GOLGA8Q: variants seen among roughly 807,000 people sequenced by gnomAD.
The protein encoded by GOLGA8Q is golgin subfamily A member 8Q.
A neutral mutation model predicts 48.7 loss-of-function variants in GOLGA8Q; 3 were observed. The ratio of observed to expected loss-of-function variants is 0.06; its 90% confidence interval spans 0.03 to 0.16. The LOEUF is 0.16. GOLGA8Q is among the 10% of genes least tolerant of loss of function. GOLGA8Q has a pLI of 1.00. For synonymous variants in GOLGA8Q, 22 were observed against 138.2 expected (o/e 0.16, Z 5.90); for missense variants, 49 against 364.3 (o/e 0.13, Z 7.05).
rs539527244 is a variant in GOLGA8Q, at chr15:30,558,035, G to A, written c.770G>A (p.Ser257Asn). 1.6e-4 allele frequency: 177 copies of A among 1,091,326 alleles called. 57 individuals carry two copies. In the South Asian group the frequency reaches 2.3e-3, roughly 14 times the overall value. The allele number at this position is 1,091,326 out of a possible 1,614,324, so 67.6% of individuals were successfully genotyped here. A position where few individuals can be genotyped will look rare whatever the true frequency, so the allele number is the denominator to read the frequency against. ...AGGGCCCGGTGGCATCAGAGGATGA[G>A]TAAAATGTTGCAGGAGGTGAGATCT... Reference protein sequence around the residue: ...GERARWHQRMSKMLQEICTLK... With the variant: ...GERARWHQRMNKMLQEICTLK... Residue 257 changes from serine (S) to asparagine (N), a missense_variant, in exon 10 of 19, where the codon AGT (serine) becomes AAT (asparagine). Physicochemically the swap from Ser to Asn is conservative, Grantham distance 46 (BLOSUM62 1). Transcript: ENST00000562783.
Position 30,558,044 on chromosome 15 carries a change from T to A in GOLGA8Q, c.779T>A (p.Leu260Ter), listed in dbSNP as rs186233928. ...TGGCATCAGAGGATGAGTAAAATGT[T>A]GCAGGAGGTGAGATCTGACCCTTCA... is the stretch of plus-strand genomic sequence containing the variant. ...ARWHQRMSKM[L>*]QEICTLKKEK... Residue 260 changes from leucine to a stop codon, truncating the protein, a stop_gained, in exon 10 of 19, where the codon TTG (leucine) becomes TAG (stop). Transcript: ENST00000562783. LOFTEE classifies it high-confidence loss of function. The A allele has an allele frequency of 3.2e-5, 35 of 1,087,380 alleles. 9 individuals are homozygous for A. Among genetic ancestry groups the A allele is most frequent in the Admixed American group, 1.6e-4 (7 of 44,520 alleles). 67.4% of individuals were successfully genotyped at this position (1,087,380 alleles called of 1,614,324 possible). A position where few individuals can be genotyped will look rare whatever the true frequency, so the allele number is the denominator to read the frequency against.
At position 30,565,401 on chromosome 15, in the gene GOLGA8Q, T is replaced by TA. The variant is rs1250277185; in HGVS notation, c.*2906dup. Among the ~76,000 whole-genome samples, 1 of 114,994 alleles carries TA rather than the reference T, an allele frequency of 8.7e-6. No homozygotes were observed. The allele number at this position is 114,994 out of a possible 152,430, so 75.4% of individuals were successfully genotyped here. ...AGTCATTTTAAAATAATATAACTAT[T>TA]AAAAAATGTAACTGCTATCTTAATG... On this transcript the variant is annotated 3_prime_UTR_variant, in exon 19 of 19. Coordinates refer to ENST00000562783, the MANE Select transcript of GOLGA8Q (RefSeq NM_001355476.2).
intron 2 of GOLGA8Q, among the ~76,000 whole-genome samples, chr15:30,554,305 A>G (rs867976931): frequency 5.5e-5 from 7 of 127,696 alleles, no homozygotes; most frequent in Non-Finnish European, 9.9e-5. Flanking sequence ...CTGTCTCAAA[A>G]AAAAAAAAAA....
At chr15:30,555,650 G>A (rs1037370993) in intron 4 of GOLGA8Q, among the ~76,000 whole-genome samples, 2 of 104,574 alleles carry the variant, frequency 1.9e-5, no homozygotes, top group East Asian at 2.0e-4. Flanking sequence ...TGCTCAGTAA[G>A]TGTTTATTGA....
chr15:30,559,874 G>C (rs1329382699), intron 13 of GOLGA8Q, among the ~76,000 whole-genome samples: 1 of 130,994 alleles, frequency 7.6e-6, no homozygotes, highest in African/African-American at 3.0e-5. Context: ...AAAACAAAAA[G>C]ACTCCTTAGA....
Position 30,560,491 on chromosome 15 carries a change from G to C in GOLGA8Q, c.1201-45G>C. 3 of 1,051,884 alleles carry C rather than the reference G, an allele frequency of 2.9e-6. 1 individual carries two copies. The highest frequency in any genetic ancestry group is 1.5e-5 in the South Asian group (1 of 66,560). The allele number at this position is 1,051,884 out of a possible 1,614,324, so 65.2% of individuals were successfully genotyped here. A position where few individuals can be genotyped will look rare whatever the true frequency, so the allele number is the denominator to read the frequency against. On this transcript the variant is annotated intron_variant, in intron 13 of 18. Coordinates refer to ENST00000562783, the MANE Select transcript of GOLGA8Q (RefSeq NM_001355476.2). ...CCGAGGATGGGGCTGTGAGGGGGAC[G>C]ACCTGGCAAACTCCATCCCTTCTCA...
rs140956293 is a variant in GOLGA8Q at position 30,560,608 on chromosome 15, G to C, written c.1273G>C (p.Glu425Gln). 386 of 1,129,078 alleles carry C rather than the reference G, an allele frequency of 3.4e-4. 161 individuals carry two copies. The African/African-American group carries it at 9.8e-3, about 29-fold the overall frequency. 69.9% of individuals were successfully genotyped at this position (1,129,078 alleles called of 1,614,324 possible). A position where few individuals can be genotyped will look rare whatever the true frequency, so the allele number is the denominator to read the frequency against. Residue 425 changes from glutamate (E) to glutamine (Q), a missense_variant, in exon 14 of 19, where the codon GAA becomes CAA. Glu to Gln is a conservative substitution (Grantham distance 29). Transcript: ENST00000562783. ...AQLNLMALPG[E>Q]GHGGEHLDSE... ...GCTGAACCTCATGGCTCTCCCTGGG[G>C]AAGGTACGGGAGACCGCTCAGAGGA... is the stretch of plus-strand genomic sequence containing the variant.
In GOLGA8Q at chr15:30,553,782, T is replaced by A. The variant is rs1478079926; in HGVS notation, c.49-10T>A. 9.7e-7 allele frequency: 1 copy of A among 1,031,214 alleles called. No homozygotes were observed. The highest frequency in any genetic ancestry group is 2.6e-5 in the East Asian group (1 of 38,340). 63.9% of individuals were successfully genotyped at this position (1,031,214 alleles called of 1,614,324 possible). A position where few individuals can be genotyped will look rare whatever the true frequency, so the allele number is the denominator to read the frequency against. ...GTTCTCATGAATATTACTGCTCTTC[T>A]TTCCAACAGTTAAAAGAATATTGGC... On this transcript the variant is annotated splice_polypyrimidine_tract_variant and intron_variant, in intron 1 of 18. Transcript: ENST00000562783.
Position 30,564,290 on chromosome 15 carries a change from CAT to C in GOLGA8Q, c.*1790_*1791del, listed in dbSNP as rs1333271850. Among the ~76,000 whole-genome samples, 5 of 35,394 alleles carry C rather than the reference CAT, an allele frequency of 1.4e-4. No homozygotes were observed. The highest frequency in any genetic ancestry group is 1.2e-3 in the African/African-American group (5 of 4,308). The allele number at this position is 35,394 out of a possible 152,430, so 23.2% of individuals were successfully genotyped here. ...CCTCATGATACTTCTATAAATATGACATTAACAGGAGAGCAACAATACGATTT... is the reference window on the plus strand; with the variant it reads ...CCTCATGATACTTCTATAAATATGACTAACAGGAGAGCAACAATACGATTT... On this transcript the variant is annotated 3_prime_UTR_variant, in exon 19 of 19. Transcript: ENST00000562783.
intron 5 of GOLGA8Q, 82 bp from the exon 6 acceptor site, chr15:30,556,193 T>G: frequency 1.9e-6 from 1 of 528,818 alleles, no homozygotes; most frequent in African/African-American, 4.3e-5. Context: ...TCCTGGGGCA[T>G]TGGTGGCATT....
In GOLGA8Q at chr15:30,560,556, C is replaced by G. The variant is rs758200516; in HGVS notation, c.1221C>G (p.Ser407Arg). The G allele has an allele frequency of 2.7e-6, 3 of 1,126,846 alleles. 1 individual carries two copies. The highest frequency in any genetic ancestry group is 2.3e-5 in the East Asian group (1 of 42,722). 69.8% of individuals were successfully genotyped at this position (1,126,846 alleles called of 1,614,324 possible). The change falls in exon 14 of 19, where the codon AGC (serine) becomes AGG (arginine). Residue 407 changes from serine to arginine, a missense_variant. By Grantham distance (110) the Ser-to-Arg change is moderately radical (BLOSUM62 -1). Coordinates refer to ENST00000562783, the MANE Select transcript of GOLGA8Q (RefSeq NM_001355476.2). The stretch of plus-strand genomic sequence containing the variant: ...CTTAGGAGCACCTGGAAGCGGCCAG[C>G]CAGCAGAACCAGCAGCTAACGGCCC... ...KLGEEHLEAA[S>R]QQNQQLTAQL...
rs1371438805 is a variant in GOLGA8Q, at chr15:30,556,411, G to A, written c.397G>A (p.Val133Ile). ...ERQKAERELEVQIQTLIIQKE... is the reference protein window; with the variant it reads ...ERQKAERELEIQIQTLIIQKE... ...CACTTGCTTGGCTTTTCTCCCAAAG[G>A]TTCAAATCCAGACATTGATCATACA... Residue 133 changes from valine to isoleucine, a missense_variant and splice_region_variant, in exon 7 of 19, where the codon GTT becomes ATT. Val to Ile is a conservative substitution (Grantham distance 29, BLOSUM62 3). Transcript: ENST00000562783. The A allele has an allele frequency of 1.8e-6, 1 of 561,028 alleles. No homozygotes were observed. The highest frequency in any genetic ancestry group is 2.8e-5 in the East Asian group (1 of 35,474). 34.8% of individuals were successfully genotyped at this position (561,028 alleles called of 1,614,324 possible).
chr15:30,556,040 T>A (rs1483649153), intron 5 of GOLGA8Q, 28 bp downstream of exon 5: 1 of 1,106,486 alleles, frequency 9.0e-7, no homozygotes, highest in Admixed American at 2.1e-5. Flanking sequence ...CCTCGCAACA[T>A]GACTGCTGGG....
chr15:30,554,415 A>G (rs1307737787), intron 2 of GOLGA8Q, among the ~76,000 whole-genome samples: 617 of 59,806 alleles, frequency 0.01, 4 homozygotes, highest in Non-Finnish European at 0.015. Context: ...TCACATCTGT[A>G]TAATAGAGGT....
Position 30,560,545 on chromosome 15 carries a change from G to C in GOLGA8Q, c.1210G>C (p.Glu404Gln). Residue 404 changes from glutamate (E) to glutamine (Q), a missense_variant, in exon 14 of 19, where the codon GAA becomes CAA. Glu to Gln is a conservative substitution (Grantham distance 29, BLOSUM62 2). Coordinates refer to ENST00000562783, the MANE Select transcript of GOLGA8Q (RefSeq NM_001355476.2). ...LQEKLGEEHLEAASQQNQQLT... is the reference protein window; with the variant it reads ...LQEKLGEEHLQAASQQNQQLT... The stretch of plus-strand genomic sequence containing the variant: ...TTTCCTGGCCCCTTAGGAGCACCTG[G>C]AAGCGGCCAGCCAGCAGAACCAGCA... The C allele has an allele frequency of 8.9e-7, 1 of 1,119,746 alleles. No homozygotes were observed. 69.4% of individuals were successfully genotyped at this position (1,119,746 alleles called of 1,614,324 possible).
Position 30,555,960 on chromosome 15 carries a change from G to A in GOLGA8Q, c.310-14G>A. 1 of 982,996 alleles carries A rather than the reference G, an allele frequency of 1.0e-6. No individual in the cohort carries two copies. Among genetic ancestry groups the A allele is most frequent in the East Asian group, 2.4e-5 (1 of 41,530 alleles). 60.9% of individuals were successfully genotyped at this position (982,996 alleles called of 1,614,324 possible). A position where few individuals can be genotyped will look rare whatever the true frequency, so the allele number is the denominator to read the frequency against. Reference sequence around the variant, plus strand: ...GGGGCCACCCTCCATCACCTTATTTGACTCTCCCCACAGAAACAACAGAAG... The same window carrying A: ...GGGGCCACCCTCCATCACCTTATTTAACTCTCCCCACAGAAACAACAGAAG... On this transcript the variant is annotated splice_polypyrimidine_tract_variant and intron_variant, in intron 4 of 18. Coordinates refer to ENST00000562783, the MANE Select transcript of GOLGA8Q (RefSeq NM_001355476.2).
intron 14 of GOLGA8Q, 165 bp from the exon 15 acceptor site, chr15:30,560,878 G>C: frequency 2.9e-6 from 1 of 344,582 alleles, no homozygotes; most frequent in East Asian, 3.3e-5. Context: ...TGCCTGGGCG[G>C]AATAGCAAGA....
rs531197921 is a variant in GOLGA8Q, at chr15:30,559,727, G to A, written c.1200+436G>A. ...AAAAAAATTAGCAGGGCATTGTGGCGCATGCCTGTAATTCCACCTACTCGG... is the reference window on the plus strand; with the variant it reads ...AAAAAAATTAGCAGGGCATTGTGGCACATGCCTGTAATTCCACCTACTCGG... On this transcript the variant is annotated intron_variant, in intron 13 of 18. Transcript: ENST00000562783. Among the ~76,000 whole-genome samples the A allele has an allele frequency of 1.5e-4, 23 of 151,094 alleles. No homozygotes were observed. The East Asian group carries it at 1.9e-3, about 13-fold the overall frequency.
intron 13 of GOLGA8Q, chr15:30,559,625 A>G (rs376742595): frequency 0.18 from 61,745 of 334,258 alleles, 492 homozygotes; most frequent in African/African-American, 0.31. Flanking sequence ...GCTGAGGCAG[A>G]AGAATCACTT....
Sources: gnomAD v4.1 joint callset for allele counts (sites outside exome capture counted in the v4.1 genomes callset) on GRCh38, gnomAD v4.1.1 for gene constraint, MANE v1.5 for transcripts, NCBI Gene and HGNC (gene_info 2026-07-23, HGNC 2026-07-21) for gene names.